Variants in SORD observed in about 807,000 individuals in gnomAD.
SORD encodes (R,R)-butanediol dehydrogenase.
In SORD, 18 loss-of-function variants were observed where a neutral mutation model predicts 35.6. That is an observed-to-expected ratio of 0.51 (90% CI 0.35 to 0.75). SORD has a LOEUF of 0.75. Among genes scored for constraint, SORD ranks in the 30% least tolerant of loss-of-function variants. SORD has a pLI of 0.01. For missense variants in SORD, 250 were observed against 390.2 expected, an observed-to-expected ratio of 0.64 and a Z score of 3.03; for synonymous variants, 106 against 152.9, an observed-to-expected ratio of 0.69 and a Z score of 2.26.
intron 3 of SORD, among the ~76,000 whole-genome samples, chr15:45,048,948 A>G (rs552341367): frequency 1.4e-4 from 22 of 152,192 alleles, no homozygotes; most frequent in Non-Finnish European, 3.2e-4. Flanking sequence ...GTCTTAGGCA[A>G]GCACAGGGTG....
chr15:45,026,891 T>C (rs1317719462), intron 1 of SORD, among the ~76,000 whole-genome samples: 1 of 152,214 alleles, frequency 6.6e-6, no homozygotes, highest in African/African-American at 2.4e-5. Flanking sequence ...ACTTTACTTG[T>C]CCTTTAACTG....
chr15:45,062,750 G>C (rs529302700), intron 4 of SORD, among the ~76,000 whole-genome samples: 39 of 135,646 alleles, frequency 2.9e-4, no homozygotes, highest in African/African-American at 8.2e-4. Context: ...TTTCATGGAA[G>C]GCAGAAGAGC....
At chr15:45,036,359 C>T (rs535274156) in intron 1 of SORD, 1 of 455,938 alleles carries the variant, frequency 2.2e-6, no homozygotes, top group South Asian at 1.5e-5. Flanking sequence ...AGAAGAATTA[C>T]TCAATTCCTT....
At chr15:45,039,874 A>G (rs1440914203) in intron 1 of SORD, among the ~76,000 whole-genome samples, 1 of 152,312 alleles carries the variant, frequency 6.6e-6, no homozygotes, top group African/African-American at 2.4e-5. Context: ...ATCTAAGAAC[A>G]TGTTTTTCCA....
At chr15:45,049,745 T>C (rs1355995923) in intron 3 of SORD, among the ~76,000 whole-genome samples, 2 of 152,212 alleles carry the variant, frequency 1.3e-5, no homozygotes, top group Non-Finnish European at 2.9e-5. Context: ...ACTGATCTCT[T>C]TTGTTTCTTC....
chr15:45,034,104 G>A (rs1160802578), intron 1 of SORD, among the ~76,000 whole-genome samples: 2 of 151,942 alleles, frequency 1.3e-5, no homozygotes, highest in African/African-American at 4.8e-5. Flanking sequence ...CAACCATAGT[G>A]TGAACTAATT....
At chr15:45,055,568 G>C (rs2141277256) in intron 3 of SORD, among the ~76,000 whole-genome samples, 1 of 152,234 alleles carries the variant, frequency 6.6e-6, no homozygotes, top group Admixed American at 6.5e-5. Context: ...GGTACAAGGA[G>C]GAACTGGTAC....
chr15:45,045,667 T>C (rs1207627972), intron 3 of SORD, among the ~76,000 whole-genome samples: 1 of 152,036 alleles, frequency 6.6e-6, no homozygotes, highest in African/African-American at 2.4e-5. Context: ...TGGGGAGTTA[T>C]TGGAGATGAT....
At position 45,061,094 on chromosome 15, in the gene SORD, C is replaced by T; in HGVS notation, c.293C>T (p.Ala98Val). 3 of 1,614,144 alleles carry T rather than the reference C, an allele frequency of 1.9e-6. No homozygotes were observed. Among genetic ancestry groups the T allele is most frequent in the Non-Finnish European group, 2.5e-6 (3 of 1,180,024 alleles). Residue 98 changes from alanine to valine, a missense_variant, in exon 4 of 9, where the codon GCT (alanine) becomes GTT (valine). Transcript: ENST00000267814. Reference protein sequence around the residue: ...PGDRVAIEPGAPRENDEFCKM... With the variant: ...PGDRVAIEPGVPRENDEFCKM... ...GATCGTGTTGCCATCGAGCCTGGTGCTCCCCGAGAAAATGATGAATTCTGC... is the reference window on the plus strand; with the variant it reads ...GATCGTGTTGCCATCGAGCCTGGTGTTCCCCGAGAAAATGATGAATTCTGC...
chr15:45,050,754 G>C (rs1027636558), intron 3 of SORD: 7 of 152,206 alleles, frequency 4.6e-5, no homozygotes, highest in Non-Finnish European at 7.3e-5. Context: ...AGTTTCCAAA[G>C]TCTAGAGAAA....
rs554436550 is a variant in SORD at position 45,061,802 on chromosome 15, G to T, written c.425+576G>T. ...GAGAATGGCTTGAACACGGGAGGTG[G>T]AGGTTGCAGTGAGCCGAGATGGCGC... On this transcript the variant is annotated intron_variant, in intron 4 of 8. Coordinates refer to ENST00000267814, the MANE Select transcript of SORD (RefSeq NM_003104.6). Among the ~76,000 whole-genome samples the T allele has an allele frequency of 2.1e-4, 32 of 152,148 alleles. 3 individuals carry two copies. Among genetic ancestry groups the T allele is most frequent in the Non-Finnish European group, 3.8e-4 (26 of 67,932 alleles).
intron 5 of SORD, among the ~76,000 whole-genome samples, chr15:45,067,735 C>T (rs937421925): frequency 3.3e-5 from 5 of 152,114 alleles, no homozygotes; most frequent in African/African-American, 1.2e-4. Context: ...CCAGGTGGTC[C>T]TCAGAGGGCA....
At chr15:45,035,699 T>C (rs1892854187) in intron 1 of SORD, among the ~76,000 whole-genome samples, 1 of 152,208 alleles carries the variant, frequency 6.6e-6, no homozygotes, top group Non-Finnish European at 1.5e-5. Context: ...GCTCACTCTT[T>C]GGGTACACAC....
intron 3 of SORD, among the ~76,000 whole-genome samples, chr15:45,051,496 C>A (rs1014204170): frequency 7.2e-5 from 11 of 152,228 alleles, no homozygotes; most frequent in African/African-American, 2.6e-4. Context: ...AATATGTTAG[C>A]GGTTCAAAGC....
chr15:45,060,983 T>C (rs927554675), intron 3 of SORD, 84 bp from the exon 4 acceptor site: 7 of 1,581,208 alleles, frequency 4.4e-6, no homozygotes, highest in African/African-American at 4.0e-5. Flanking sequence ...TTTTCAAAGG[T>C]TGGAAAACAA....
chr15:45,062,512 G>A (rs1405629191), intron 4 of SORD, among the ~76,000 whole-genome samples: 1 of 151,884 alleles, frequency 6.6e-6, no homozygotes, highest in African/African-American at 2.4e-5. Context: ...TCCGGTGGAG[G>A]CCAGGTGCCA....
At chr15:45,068,130 G>C in intron 5 of SORD, 51 bp from the exon 6 acceptor site, 1 of 1,377,898 alleles carries the variant, frequency 7.3e-7, no homozygotes, top group Middle Eastern at 1.8e-4. Context: ...ACAAGTGGGA[G>C]AGCAGATGTT....
At chr15:45,068,075 G>C (rs2141126224) in intron 5 of SORD, 106 bp from the exon 6 acceptor site, 2 of 839,746 alleles carry the variant, frequency 2.4e-6, no homozygotes, top group East Asian at 2.4e-5. Context: ...CACTGGGATA[G>C]ATGCTAGAGA....
intron 3 of SORD, among the ~76,000 whole-genome samples, chr15:45,047,645 C>T (rs1398638652): frequency 6.6e-6 from 1 of 152,214 alleles, no homozygotes; most frequent in Non-Finnish European, 1.5e-5. Context: ...GGTTTAAGCA[C>T]CTCTTCCCAG....
Sources: allele counts gnomAD v4.1 joint callset (sites outside exome capture counted in the v4.1 genomes callset), GRCh38; gene constraint gnomAD v4.1.1; transcripts MANE v1.5; gene names NCBI Gene and HGNC (gene_info 2026-07-23, HGNC 2026-07-21).